Variants in CACNA2D3 observed in about 807,000 individuals in gnomAD.
CACNA2D3 encodes the protein voltage-dependent calcium channel subunit alpha-2/delta-3.
Under a neutral mutation model 160.6 loss-of-function variants are expected in CACNA2D3, and 60 were observed. The observed-to-expected ratio is 0.37, with a 90% CI of 0.30 to 0.46. The LOEUF (loss-of-function observed/expected upper bound fraction) is 0.46, where lower values mean the gene tolerates loss of function less well. CACNA2D3 is among the 20% of genes least tolerant of loss of function. The probability of loss-of-function intolerance (pLI) is 1.00; values close to 1 mark genes in which losing one functional copy is unlikely to be tolerated. For synonymous variants in CACNA2D3, 558 were observed against 492.9 expected (o/e 1.13, Z -1.75); for missense variants, 1,205 against 1,365.0 (o/e 0.88, Z 1.85).
At chr3:54,299,733 G>T (rs569020191) in intron 2 of CACNA2D3, among the ~76,000 whole-genome samples, 2 of 152,302 alleles carry the variant, frequency 1.3e-5, no homozygotes, top group Non-Finnish European at 1.5e-5. Context: ...TTTGAAAAGC[G>T]TCCCCCGGGG....
rs116317586 is a variant in CACNA2D3, at chr3:54,239,709, G to A, written c.205-80733G>A. 6.2e-3 allele frequency among the ~76,000 whole-genome samples: 943 copies of A among 152,274 alleles called. 13 individuals carry two copies. The highest frequency in any genetic ancestry group is 0.037 in the South Asian group (178 of 4,822). On this transcript the variant is annotated intron_variant, in intron 2 of 37. Coordinates refer to ENST00000474759, the MANE Select transcript of CACNA2D3 (RefSeq NM_018398.3). ...AGTTTGGCTCAAAAATATTATACTA[G>A]CATAGGAGATAATAACAGTGTAGTG...
chr3:54,238,785 A>G (rs940742704), intron 2 of CACNA2D3, among the ~76,000 whole-genome samples: 1 of 152,196 alleles, frequency 6.6e-6, no homozygotes, highest in Non-Finnish European at 1.5e-5. Context: ...TCTGCCCATG[A>G]TGGGGCCAAC....
At chr3:54,229,330 T>C (rs529044337) in intron 2 of CACNA2D3, among the ~76,000 whole-genome samples, 2 of 152,146 alleles carry the variant, frequency 1.3e-5, no homozygotes, top group Non-Finnish European at 2.9e-5. Context: ...TAGCTGGGAC[T>C]ACAGGTGCCT....
intron 2 of CACNA2D3, among the ~76,000 whole-genome samples, chr3:54,243,250 G>A (rs567685583): frequency 1.3e-5 from 2 of 152,204 alleles, no homozygotes; most frequent in Non-Finnish European, 2.9e-5. Flanking sequence ...TGGGAGACCC[G>A]CGATTGCGTG....
chr3:54,171,000 C>G (rs6803038), intron 2 of CACNA2D3, among the ~76,000 whole-genome samples: 73,400 of 151,728 alleles, frequency 0.48, 18,028 homozygotes, highest in South Asian at 0.66. Flanking sequence ...GCCTGACCGT[C>G]CGACTCAGGG....
intron 27 of CACNA2D3, 23 bp from the exon 28 acceptor site, chr3:54,968,427 G>T: frequency 6.4e-7 from 1 of 1,564,328 alleles, no homozygotes; most frequent in Non-Finnish European, 8.8e-7. Context: ...CTAATGCCTT[G>T]TTTTATTTAT....
At chr3:54,645,514 A>G (rs1007329240) in intron 11 of CACNA2D3, among the ~76,000 whole-genome samples, 1 of 152,206 alleles carries the variant, frequency 6.6e-6, no homozygotes, top group African/African-American at 2.4e-5. Flanking sequence ...CAGCAAATGC[A>G]TGCTTCCTTT....
chr3:54,809,540 G>T (rs1044440360), intron 13 of CACNA2D3, among the ~76,000 whole-genome samples: 5 of 139,606 alleles, frequency 3.6e-5, no homozygotes, highest in African/African-American at 9.4e-5. Context: ...GGATGGTCTC[G>T]ATCTCCTGAC....
chr3:54,615,015 A>G (rs1328122984), intron 9 of CACNA2D3, among the ~76,000 whole-genome samples: 1 of 152,228 alleles, frequency 6.6e-6, no homozygotes, highest in African/African-American at 2.4e-5. Flanking sequence ...ACCAATCTTT[A>G]TTTTGAAAAC....
chr3:54,518,229 A>T (rs1701585904), intron 5 of CACNA2D3, among the ~76,000 whole-genome samples: 1 of 152,144 alleles, frequency 6.6e-6, no homozygotes, highest in South Asian at 2.1e-4. Context: ...TCCCTTTGCT[A>T]GCTGTCAGAC....
intron 2 of CACNA2D3, among the ~76,000 whole-genome samples, chr3:54,222,112 AATTTGT>A (rs1040089380): frequency 3.3e-5 from 5 of 152,316 alleles, no homozygotes; most frequent in African/African-American, 1.2e-4. Flanking sequence ...TTTAGTTAAA[AATTTGT>A]ATTTGTGAGA....
intron 10 of CACNA2D3, among the ~76,000 whole-genome samples, chr3:54,629,926 G>A (rs1699198903): frequency 6.6e-6 from 1 of 152,212 alleles, no homozygotes; most frequent in East Asian, 1.9e-4. Context: ...AGGGTTAGGA[G>A]ATTGTTGTAT....
chr3:54,154,222 A>T (rs910172554), intron 2 of CACNA2D3, among the ~76,000 whole-genome samples: 2 of 152,126 alleles, frequency 1.3e-5, no homozygotes, highest in African/African-American at 4.8e-5. Context: ...AAGTTTTTTT[A>T]AAAAAGAGAA....
chr3:54,828,263 A>G (rs1419720464), intron 14 of CACNA2D3, among the ~76,000 whole-genome samples: 3 of 152,194 alleles, frequency 2.0e-5, no homozygotes, highest in Non-Finnish European at 2.9e-5. Context: ...GGGGTCAATT[A>G]TGTGTCATGG....
intron 3 of CACNA2D3, among the ~76,000 whole-genome samples, chr3:54,354,325 A>T (rs2107535714): frequency 6.6e-6 from 1 of 152,306 alleles, no homozygotes; most frequent in South Asian, 2.1e-4. Flanking sequence ...TGCCCTTCTG[A>T]TGATATCTCT....
chr3:54,607,336 T>C (rs1172511040), intron 9 of CACNA2D3, among the ~76,000 whole-genome samples: 2 of 152,146 alleles, frequency 1.3e-5, no homozygotes, highest in African/African-American at 4.8e-5. Context: ...GTTTTGTTTT[T>C]TGAGGCAGAG....
intron 4 of CACNA2D3, among the ~76,000 whole-genome samples, chr3:54,495,566 T>G (rs1052056937): frequency 6.6e-6 from 1 of 152,112 alleles, no homozygotes; most frequent in African/African-American, 2.4e-5. Flanking sequence ...CTAGCCAATA[T>G]GGTGAAACCC....
At chr3:54,597,058 A>G (rs2106765918) in intron 9 of CACNA2D3, among the ~76,000 whole-genome samples, 1 of 152,300 alleles carries the variant, frequency 6.6e-6, no homozygotes, top group Non-Finnish European at 1.5e-5. Context: ...ATAGCATTGA[A>G]TGAAGGAAGA....
intron 12 of CACNA2D3, among the ~76,000 whole-genome samples, chr3:54,762,711 C>A (rs765410185): frequency 6.6e-6 from 1 of 152,204 alleles, no homozygotes; most frequent in Non-Finnish European, 1.5e-5. Context: ...AGTACAGGAA[C>A]ATAGCAGCGC....
Sources: allele counts gnomAD v4.1 joint callset (sites outside exome capture counted in the v4.1 genomes callset), GRCh38; gene constraint gnomAD v4.1.1; transcripts MANE v1.5; gene names NCBI Gene and HGNC (gene_info 2026-07-23, HGNC 2026-07-21).